HPS3: variants seen among roughly 807,000 people sequenced by gnomAD.
HPS3 encodes HPS3 biogenesis of lysosomal organelles complex 2 subunit 1.
A neutral mutation model predicts 110.9 loss-of-function variants in HPS3; 79 were observed. That is an observed-to-expected ratio of 0.71 (90% CI 0.59 to 0.86). HPS3 has a LOEUF of 0.86. Ranked by LOEUF, HPS3 falls within the 40% of genes least tolerant of loss-of-function variation. The pLI, the probability that HPS3 is intolerant of heterozygous loss-of-function variation, is 0.00. For missense variants in HPS3, 1,197 were observed against 1,206.2 expected (o/e 0.99, Z 0.11); for synonymous variants, 428 against 451.0 (o/e 0.95, Z 0.65).
rs201227603 is a variant in HPS3, at chr3:149,145,547, G to A, written c.1163+1G>A. ...CACAATTTTTGCACGTCATTACAAG[G>A]TACTGTTAGAGGGTCACTTGCTGGC... On this transcript the variant is annotated splice_donor_variant, in intron 5 of 16. Coordinates refer to ENST00000296051, the MANE Select transcript of HPS3 (RefSeq NM_032383.5). LOFTEE classifies it high-confidence loss of function. The A allele has an allele frequency of 4.8e-5, 77 of 1,612,910 alleles. No individual in the cohort carries two copies. The highest frequency in any genetic ancestry group is 3.3e-5 in the Admixed American group (2 of 59,996).
chr3:149,154,001 AGTT>A lies in HPS3; in HGVS notation c.1400+357_1400+359del, dbSNP rs2108153487. On this transcript the variant is annotated intron_variant, in intron 7 of 16. Transcript: ENST00000296051. ...ACTGTCTTTCTTCTTTGACCCTTTCAGTTGTTACATTTTTATCTAAAATTATTT... is the reference window on the plus strand; with the variant it reads ...ACTGTCTTTCTTCTTTGACCCTTTCAGTTACATTTTTATCTAAAATTATTT... The A allele has an allele frequency of 2.1e-5, 5 of 233,770 alleles. No homozygotes were observed. The South Asian group carries it at 2.2e-4, about 10-fold the overall frequency. The allele number at this position is 233,770 out of a possible 1,614,324, so 14.5% of individuals were successfully genotyped here. A position where few individuals can be genotyped will look rare whatever the true frequency, so the allele number is the denominator to read the frequency against.
intron 1 of HPS3, among the ~76,000 whole-genome samples, chr3:149,134,457 A>G (rs1721961606): frequency 6.6e-6 from 1 of 152,188 alleles, no homozygotes; most frequent in Non-Finnish European, 1.5e-5. Flanking sequence ...CATTCTTCCA[A>G]GTGGATGTTT....
At chr3:149,151,782 T>C (rs1017314797) in intron 6 of HPS3, among the ~76,000 whole-genome samples, 1 of 152,162 alleles carries the variant, frequency 6.6e-6, no homozygotes, top group Non-Finnish European at 1.5e-5. Context: ...GTTAGGAATA[T>C]ACATGCTGCA....
chr3:149,133,738 C>T (rs1052829991), intron 1 of HPS3, among the ~76,000 whole-genome samples: 2 of 152,104 alleles, frequency 1.3e-5, no homozygotes, highest in African/African-American at 4.8e-5. Flanking sequence ...CTTGGATGAT[C>T]GTTAGCATTT....
At chr3:149,142,878 T>A (rs1281663028) in intron 4 of HPS3, among the ~76,000 whole-genome samples, 1 of 151,994 alleles carries the variant, frequency 6.6e-6, no homozygotes, top group African/African-American at 2.4e-5. Flanking sequence ...CCTGACCTCA[T>A]CTTGAGGTCA....
intron 5 of HPS3, among the ~76,000 whole-genome samples, chr3:149,148,641 G>A (rs1452996024): frequency 6.6e-6 from 1 of 151,644 alleles, no homozygotes; most frequent in Admixed American, 6.6e-5. Context: ...CAGACCTCAG[G>A]CAATTCGCCC....
At chr3:149,146,399 G>A (rs1722780332) in intron 5 of HPS3, among the ~76,000 whole-genome samples, 1 of 152,246 alleles carries the variant, frequency 6.6e-6, no homozygotes, top group South Asian at 2.1e-4. Context: ...GTTGTATGGG[G>A]AAGTTGTGGA....
chr3:149,141,460 G>A (rs1576667541), intron 4 of HPS3, 80 bp downstream of exon 4: 1 of 1,140,030 alleles, frequency 8.8e-7, no homozygotes, highest in Non-Finnish European at 1.3e-6. Flanking sequence ...GACCCATGTG[G>A]GTAATAGGTT....
At chr3:149,159,933 T>A in intron 10 of HPS3, 113 bp from the exon 11 acceptor site, 2 of 769,824 alleles carry the variant, frequency 2.6e-6, no homozygotes, top group South Asian at 2.9e-5. Context: ...TATAATTTTA[T>A]CTTACTTGGA....
At position 149,150,662 on chromosome 3, in the gene HPS3, C is replaced by T; in HGVS notation, c.1227C>T (p.Tyr409=). ...SAAAAREEDP[Y]MDTTLKACPP... ...CGGCAGCTCGTGAGGAGGACCCGTA[C>T]ATGGACACCACCCTGAAGGTAAGAA... The change falls in exon 6 of 17, where the codon TAC becomes TAT. Residue 409 remains tyrosine, a synonymous_variant. Transcript: ENST00000296051. The T allele has an allele frequency of 6.2e-7, 1 of 1,613,636 alleles. No homozygotes were observed. The highest frequency in any genetic ancestry group is 8.5e-7 in the Non-Finnish European group (1 of 1,179,514).
intron 1 of HPS3, among the ~76,000 whole-genome samples, chr3:149,137,528 T>G (rs1024889534): frequency 6.6e-6 from 1 of 152,196 alleles, no homozygotes; most frequent in African/African-American, 2.4e-5. Context: ...CACACCAATG[T>G]TTGTAGCAAA....
chr3:149,145,535 C>T lies in HPS3; in HGVS notation c.1152C>T (p.His384=), dbSNP rs113381494. ...QQAVLTPQFL[H]VITSNNLQCF... ...CAGTACTCACGCCACAATTTTTGCA[C>T]GTCATTACAAGGTACTGTTAGAGGG... The change falls in exon 5 of 17, where the codon CAC becomes CAT. Residue 384 remains histidine (H), a synonymous_variant. Transcript: ENST00000296051. 4.6e-4 allele frequency: 744 copies of T among 1,613,616 alleles called. 6 individuals are homozygous for T. Among genetic ancestry groups the T allele is most frequent in the Admixed American group, 1.5e-4 (9 of 60,004 alleles).
chr3:149,133,299 A>AT (rs1185007416), intron 1 of HPS3, among the ~76,000 whole-genome samples: 59 of 151,534 alleles, frequency 3.9e-4, no homozygotes, highest in African/African-American at 1.4e-3. Context: ...ATTTTATTTT[A>AT]TTTTATTTTA....
chr3:149,147,742 A>G (rs927094400), intron 5 of HPS3, among the ~76,000 whole-genome samples: 1 of 152,178 alleles, frequency 6.6e-6, no homozygotes, highest in African/African-American at 2.4e-5. Flanking sequence ...GCCTCCAGAC[A>G]GGACATTTTT....
At chr3:149,150,734 G>T in intron 6 of HPS3, 54 bp downstream of exon 6, 1 of 1,350,678 alleles carries the variant, frequency 7.4e-7, no homozygotes, top group South Asian at 1.2e-5. Context: ...GGGAGCACAT[G>T]AATACTCGTA....
In HPS3 at chr3:149,161,859, C is replaced by A. The variant is rs1440794106; in HGVS notation, c.2107-289C>A. On this transcript the variant is annotated intron_variant, in intron 11 of 16. Coordinates refer to ENST00000296051, the MANE Select transcript of HPS3 (RefSeq NM_032383.5). Reference sequence around the variant, plus strand: ...TTGGTTGAATCCATGGGTGTGGAACCCACGAATACAGAAAATTGACTGCAT... The same window carrying A: ...TTGGTTGAATCCATGGGTGTGGAACACACGAATACAGAAAATTGACTGCAT... Among the ~76,000 whole-genome samples, 3 of 152,030 alleles carry A rather than the reference C, an allele frequency of 2.0e-5. No homozygotes were observed. In the East Asian group the frequency reaches 5.8e-4, roughly 29 times the overall value.
intron 5 of HPS3, among the ~76,000 whole-genome samples, chr3:149,146,184 C>T: frequency 6.6e-6 from 1 of 152,140 alleles, no homozygotes; most frequent in East Asian, 1.9e-4. Flanking sequence ...GTTTTTTGAG[C>T]TTAGATTATG....
In HPS3 at chr3:149,172,399, G is replaced by T. The variant is rs550087221; in HGVS notation, c.*177G>T. On this transcript the variant is annotated 3_prime_UTR_variant, in exon 17 of 17. Coordinates refer to ENST00000296051, the MANE Select transcript of HPS3 (RefSeq NM_032383.5). ...TTCAGGCTGCTTACCTTACCGTGTA[G>T]TGGTAACTATTCACTTCTTAATTTA... 1.8e-6 allele frequency: 1 copy of T among 557,238 alleles called. No individual in the cohort carries two copies. 34.5% of individuals were successfully genotyped at this position (557,238 alleles called of 1,614,324 possible).
chr3:149,139,658 A>G (rs903834154), intron 1 of HPS3, among the ~76,000 whole-genome samples: 1 of 152,172 alleles, frequency 6.6e-6, no homozygotes. Context: ...TTTTGGTGTC[A>G]CCCTAATAGT....
Sources: gnomAD v4.1 joint callset for allele counts (sites outside exome capture counted in the v4.1 genomes callset) on GRCh38, gnomAD v4.1.1 for gene constraint, MANE v1.5 for transcripts, NCBI Gene and HGNC (gene_info 2026-07-23, HGNC 2026-07-21) for gene names.